HHLA1: variants seen among roughly 807,000 people sequenced by gnomAD.
HHLA1 encodes the protein HERV-H LTR-associating protein 1.
Under a neutral mutation model 69.9 loss-of-function variants are expected in HHLA1, and 72 were observed. The ratio of observed to expected loss-of-function variants is 1.03; its 90% confidence interval spans 0.85 to 1.25. HHLA1 has a LOEUF of 1.25. HHLA1 is among the 50% of genes most tolerant of loss of function. The pLI is 0.00. For missense variants in HHLA1, 685 were observed against 642.2 expected (o/e 1.07, Z -0.72); for synonymous variants, 252 against 233.2 (o/e 1.08, Z -0.73).
At chr8:132,099,608 C>T (rs1214830823) in intron 4 of HHLA1, among the ~76,000 whole-genome samples, 1 of 152,134 alleles carries the variant, frequency 6.6e-6, no homozygotes, top group Non-Finnish European at 1.5e-5. Flanking sequence ...AATCCCAGCA[C>T]TTTGGGAGGC....
In HHLA1 at chr8:132,076,221, A is replaced by G. The variant is rs935837187; in HGVS notation, c.1241-92T>C. On this transcript the variant is annotated intron_variant, in intron 13 of 16. Coordinates refer to ENST00000414222, the MANE Select transcript of HHLA1 (RefSeq NM_001145095.3). ...GAAATTTATAACATCTTAAAGGTAA[A>G]TCATTCTTGAAATCTATAGGAAAAT... 5 of 945,244 alleles carry G rather than the reference A, an allele frequency of 5.3e-6. No homozygotes were observed. In the African/African-American group the frequency reaches 8.2e-5, roughly 16 times the overall value. 58.6% of individuals were successfully genotyped at this position (945,244 alleles called of 1,614,324 possible). A position where few individuals can be genotyped will look rare whatever the true frequency, so the allele number is the denominator to read the frequency against.
In HHLA1 at chr8:132,077,911, A is replaced by G; in HGVS notation, c.986T>C (p.Ile329Thr). The change falls in exon 12 of 17, where the codon ATA becomes ACA. Residue 329 changes from isoleucine to threonine, a missense_variant. Transcript: ENST00000414222. ...GGTCTGAGCCCAGGGCACGGACGAT[A>G]TGGAAGCCCACGTCTGTCTGTCAGC... ...LTADRQTWASISSVPWAQTIS... is the reference protein window; with the variant it reads ...LTADRQTWASTSSVPWAQTIS... 3.9e-6 allele frequency: 6 copies of G among 1,551,580 alleles called. No homozygotes were observed. Among genetic ancestry groups the G allele is most frequent in the Non-Finnish European group, 5.2e-6 (6 of 1,146,934 alleles).
intron 14 of HHLA1, among the ~76,000 whole-genome samples, chr8:132,072,642 G>T (rs1823566401): frequency 6.6e-6 from 1 of 151,998 alleles, no homozygotes; most frequent in South Asian, 2.1e-4. Context: ...CTAAAACCTG[G>T]AAATAAACAA....
At chr8:132,107,835 T>TATGGAGAG (rs1554619019) in intron 1 of HHLA1, among the ~76,000 whole-genome samples, 9 of 136,122 alleles carry the variant, frequency 6.6e-5, no homozygotes, top group African/African-American at 2.3e-4. Flanking sequence ...ACATCCATAG[T>TATGGAGAG]TTGGAGAGAG....
At chr8:132,085,365 T>A (rs1452936165) in intron 10 of HHLA1, 5 of 294,074 alleles carry the variant, frequency 1.7e-5, no homozygotes, top group African/African-American at 1.2e-4. Context: ...TGAGGGATAG[T>A]GAGGGAGGTT....
At chr8:132,069,583 A>G (rs1008301103) in intron 15 of HHLA1, 3 of 152,320 alleles carry the variant, frequency 2.0e-5, no homozygotes, top group East Asian at 1.9e-4. Flanking sequence ...CTGAAAATTT[A>G]TGCCTTTTTC....
chr8:132,065,912 C>A lies in HHLA1; in HGVS notation c.1526G>T (p.Arg509Met), dbSNP rs1436478674. The A allele has an allele frequency of 2.5e-5, 32 of 1,303,028 alleles. No homozygotes were observed. Among genetic ancestry groups the A allele is most frequent in the Non-Finnish European group, 3.2e-5 (32 of 986,898 alleles). 80.7% of individuals were successfully genotyped at this position (1,303,028 alleles called of 1,614,324 possible). ...GTGCGAGTGGGACACCCTTTTCACC[C>A]TCTGACAGATATATGTTGCATTCTT... Reference protein sequence around the residue: ...FLKNATYICQRVKRVSHSHTL... With the variant: ...FLKNATYICQMVKRVSHSHTL... Residue 509 changes from arginine to methionine, a missense_variant, in exon 16 of 17, where the codon AGG (arginine) becomes ATG (methionine). By Grantham distance (91) the Arg-to-Met change is moderately conservative. Transcript: ENST00000414222.
intron 8 of HHLA1, among the ~76,000 whole-genome samples, chr8:132,089,265 GT>G (rs1823907429): frequency 1.3e-5 from 2 of 152,140 alleles, no homozygotes; most frequent in African/African-American, 4.8e-5. Flanking sequence ...GTCTGCCTAC[GT>G]TCCTTAAACT....
rs1225657099 is a variant in HHLA1 at position 132,077,973 on chromosome 8, T to G, written c.926-2A>C. The G allele has an allele frequency of 6.4e-7, 1 of 1,551,562 alleles. No individual in the cohort carries two copies. Among genetic ancestry groups the G allele is most frequent in the East Asian group, 2.4e-5 (1 of 40,914 alleles). On this transcript the variant is annotated splice_acceptor_variant, in intron 11 of 16. Transcript: ENST00000414222. LOFTEE classifies it high-confidence loss of function. ...GAGTTCTGGCCACCCTCCTGGTAGCTGCACATTCAAAGTGACAGTAACAGG... is the reference window on the plus strand; with the variant it reads ...GAGTTCTGGCCACCCTCCTGGTAGCGGCACATTCAAAGTGACAGTAACAGG...
At chr8:132,079,433 C>T (rs73710819) in intron 11 of HHLA1, among the ~76,000 whole-genome samples, 7,286 of 152,280 alleles carry the variant, frequency 0.048, 331 homozygotes, top group African/African-American at 0.12. Flanking sequence ...TACCAGGGAA[C>T]TCTCTATATT....
At chr8:132,098,587 G>T (rs559033201) in intron 5 of HHLA1, among the ~76,000 whole-genome samples, 1 of 151,920 alleles carries the variant, frequency 6.6e-6, no homozygotes, top group Non-Finnish European at 1.5e-5. Context: ...TCAGCCTCCC[G>T]AGTAGCTGGG....
intron 11 of HHLA1, 72 bp downstream of exon 11, chr8:132,079,646 T>A: frequency 6.9e-7 from 1 of 1,441,160 alleles, no homozygotes; most frequent in Non-Finnish European, 9.2e-7. Context: ...GGATTTTGCT[T>A]ATATATGTGA....
At chr8:132,078,686 G>T (rs1046548515) in intron 11 of HHLA1, among the ~76,000 whole-genome samples, 1 of 152,070 alleles carries the variant, frequency 6.6e-6, no homozygotes, top group Non-Finnish European at 1.5e-5. Flanking sequence ...ATAACTATTG[G>T]TTTACTTGCC....
At chr8:132,099,351 A>G (rs191664623) in intron 4 of HHLA1, among the ~76,000 whole-genome samples, 37 of 152,368 alleles carry the variant, frequency 2.4e-4, no homozygotes, top group Non-Finnish European at 4.9e-4. Flanking sequence ...CGTGGGGTCC[A>G]CACACCCTGG....
rs537445453 is a variant in HHLA1, at chr8:132,062,611, G to C, written c.*1384C>G. ...CCTGGTAATGAGAAATAAGGGGTCC[G>C]TGCAGAGCCACTGGAGAGGGCACAC... On this transcript the variant is annotated 3_prime_UTR_variant, in exon 17 of 17. Transcript: ENST00000414222. The C allele has an allele frequency of 6.6e-6, 1 of 152,284 alleles. No homozygotes were observed. The highest frequency in any genetic ancestry group is 1.5e-5 in the Non-Finnish European group (1 of 68,118). The allele number at this position is 152,284 out of a possible 1,614,324, so 9.4% of individuals were successfully genotyped here.
At chr8:132,066,990 G>C (rs1200841735) in intron 15 of HHLA1, among the ~76,000 whole-genome samples, 1 of 152,156 alleles carries the variant, frequency 6.6e-6, no homozygotes, top group African/African-American at 2.4e-5. Context: ...TTAATACGAT[G>C]AATCAGTGAT....
At chr8:132,075,663 C>G (rs1823624711) in intron 14 of HHLA1, among the ~76,000 whole-genome samples, 1 of 152,206 alleles carries the variant, frequency 6.6e-6, no homozygotes, top group Admixed American at 6.5e-5. Context: ...CTGCTCCTTG[C>G]AAGAGCAGCT....
chr8:132,067,857 G>C (rs963278494), intron 15 of HHLA1, among the ~76,000 whole-genome samples: 1 of 152,208 alleles, frequency 6.6e-6, no homozygotes, highest in Non-Finnish European at 1.5e-5. Context: ...TTCAGAGATT[G>C]AATGACTAGC....
intron 4 of HHLA1, 63 bp from the exon 5 acceptor site, chr8:132,099,025 A>C: frequency 4.8e-6 from 6 of 1,240,570 alleles, no homozygotes; most frequent in Non-Finnish European, 6.8e-6. Context: ...AAAGTTTCTC[A>C]TTTCCAAACT....
Sources: allele counts gnomAD v4.1 joint callset (sites outside exome capture counted in the v4.1 genomes callset), GRCh38; gene constraint gnomAD v4.1.1; transcripts MANE v1.5; gene names NCBI Gene and HGNC (gene_info 2026-07-23, HGNC 2026-07-21).